Variants in CNTNAP2 observed in about 807,000 individuals in gnomAD.
The protein encoded by CNTNAP2 is contactin associated protein 2.
Under a neutral mutation model 155.2 loss-of-function variants are expected in CNTNAP2, and 98 were observed. The ratio of observed to expected loss-of-function variants is 0.63; its 90% CI spans 0.54 to 0.75. The LOEUF (loss-of-function observed/expected upper bound fraction) is 0.75. Among genes scored for constraint, CNTNAP2 ranks in the 30% least tolerant of loss-of-function variants. CNTNAP2 has a pLI of 0.00. For synonymous variants in CNTNAP2, 651 were observed against 631.2 expected, an observed-to-expected ratio of 1.03 and a Z score of -0.47; for missense variants, 1,727 against 1,688.1, an observed-to-expected ratio of 1.02 and a Z score of -0.40.
At chr7:146,150,726 T>A (rs761309864) in intron 1 of CNTNAP2, among the ~76,000 whole-genome samples, 7 of 152,036 alleles carry the variant, frequency 4.6e-5, no homozygotes, top group Non-Finnish European at 8.8e-5. Context: ...TAGGTAGAAA[T>A]CTACTACATT....
chr7:147,235,456 G>A (rs1221520772), intron 8 of CNTNAP2, among the ~76,000 whole-genome samples: 2 of 151,836 alleles, frequency 1.3e-5, no homozygotes, highest in Non-Finnish European at 2.9e-5. Flanking sequence ...CAGGTGTTGT[G>A]TACCAGACTT....
intron 13 of CNTNAP2, among the ~76,000 whole-genome samples, chr7:147,771,788 T>C (rs1330862531): frequency 6.6e-6 from 1 of 152,172 alleles, no homozygotes; most frequent in Non-Finnish European, 1.5e-5. Flanking sequence ...TTGTAATCTT[T>C]ACTGTAGAAT....
At chr7:146,934,396 A>T (rs999805692) in intron 3 of CNTNAP2, among the ~76,000 whole-genome samples, 5 of 139,858 alleles carry the variant, frequency 3.6e-5, no homozygotes, top group African/African-American at 1.1e-4. Context: ...AACAATGAGA[A>T]CACATGGACA....
At chr7:147,519,409 T>C (rs1799191482) in intron 11 of CNTNAP2, among the ~76,000 whole-genome samples, 1 of 152,126 alleles carries the variant, frequency 6.6e-6, no homozygotes, top group Non-Finnish European at 1.5e-5. Context: ...TCTAAAATAA[T>C]CTCCTACCTC....
chr7:146,836,986 T>C (rs1803630517), intron 2 of CNTNAP2, among the ~76,000 whole-genome samples: 1 of 152,196 alleles, frequency 6.6e-6, no homozygotes, highest in African/African-American at 2.4e-5. Flanking sequence ...TGTAACCCTC[T>C]GAATACCTTT....
chr7:147,463,160 G>A lies in CNTNAP2; in HGVS notation c.1671-22775G>A, dbSNP rs149693997. Among the ~76,000 whole-genome samples, 259 of 152,306 alleles carry A rather than the reference G, an allele frequency of 1.7e-3. 2 individuals are homozygous for A. The highest frequency in any genetic ancestry group is 6.0e-3 in the African/African-American group (249 of 41,564). On this transcript the variant is annotated intron_variant, in intron 10 of 23. Transcript: ENST00000361727. ...TTTTAACAGAAAAAGAAACAAGTGT[G>A]AAGAAGGCTAGAAGGCAAGGATTAA...
intron 3 of CNTNAP2, among the ~76,000 whole-genome samples, chr7:146,852,347 T>A (rs181997969): frequency 1.3e-5 from 2 of 152,280 alleles, no homozygotes; most frequent in Admixed American, 6.5e-5. Context: ...TATGCTTGAA[T>A]CAAACGACTA....
At chr7:146,592,239 A>G (rs930088933) in intron 1 of CNTNAP2, among the ~76,000 whole-genome samples, 7 of 152,218 alleles carry the variant, frequency 4.6e-5, no homozygotes, top group Non-Finnish European at 1.0e-4. Context: ...TCTCTGTGGC[A>G]TATGGTCTTC....
chr7:148,037,460 C>T (rs74326678), intron 15 of CNTNAP2, among the ~76,000 whole-genome samples: 2 of 152,204 alleles, frequency 1.3e-5, no homozygotes, highest in Admixed American at 6.5e-5. Context: ...TAATGGGTTA[C>T]ATCTAGGTCA....
chr7:147,779,268 T>C (rs1797631381), intron 13 of CNTNAP2, among the ~76,000 whole-genome samples: 1 of 152,232 alleles, frequency 6.6e-6, no homozygotes, highest in Non-Finnish European at 1.5e-5. Context: ...TTAGTATTTA[T>C]GGGCATCAAC....
At chr7:146,505,242 G>A (rs6950576) in intron 1 of CNTNAP2, among the ~76,000 whole-genome samples, 3,349 of 152,246 alleles carry the variant, frequency 0.022, 128 homozygotes, top group African/African-American at 0.077. Flanking sequence ...CAGATCCAAC[G>A]GTTGGACACA....
intron 2 of CNTNAP2, among the ~76,000 whole-genome samples, chr7:146,792,202 C>T (rs528433807): frequency 4.0e-4 from 60 of 151,882 alleles, no homozygotes; most frequent in Non-Finnish European, 1.2e-4. Flanking sequence ...TGGGAGAGAA[C>T]ATTGCAATCT....
intron 14 of CNTNAP2, among the ~76,000 whole-genome samples, chr7:147,923,088 G>A (rs1174075469): frequency 6.6e-6 from 1 of 151,916 alleles, no homozygotes; most frequent in Non-Finnish European, 1.5e-5. Flanking sequence ...TGAGCAAAAA[G>A]GAAGGAAGGA....
chr7:147,667,966 A>T (rs116631770), intron 13 of CNTNAP2, among the ~76,000 whole-genome samples: 5 of 152,162 alleles, frequency 3.3e-5, no homozygotes, highest in African/African-American at 1.2e-4. Context: ...AGGTTCATCA[A>T]TGACTTCAAA....
intron 15 of CNTNAP2, among the ~76,000 whole-genome samples, chr7:147,988,087 G>A (rs769532147): frequency 6.6e-6 from 1 of 152,162 alleles, no homozygotes; most frequent in Non-Finnish European, 1.5e-5. Context: ...AACTCAAAGC[G>A]GAGGGTGGTG....
intron 1 of CNTNAP2, among the ~76,000 whole-genome samples, chr7:146,720,174 G>T (rs1801260754): frequency 1.3e-5 from 2 of 151,498 alleles, no homozygotes; most frequent in Non-Finnish European, 2.9e-5. Context: ...GTGTTTAGTT[G>T]TCCACAAAGG....
intron 1 of CNTNAP2, among the ~76,000 whole-genome samples, chr7:146,734,114 G>C (rs1801571648): frequency 6.6e-6 from 1 of 152,140 alleles, no homozygotes; most frequent in South Asian, 2.1e-4. Context: ...CCAAAATACA[G>C]GATGTTTTTC....
rs1389396205 is a variant in CNTNAP2, at chr7:147,464,896, A to G, written c.1671-21039A>G. 2.0e-5 allele frequency among the ~76,000 whole-genome samples: 3 copies of G among 152,242 alleles called. No individual in the cohort carries two copies. The East Asian group carries it at 5.8e-4, about 29-fold the overall frequency. ...ACTGTGTAAACAATCTTCATGGCCAAGAGGCTCAATTATAATGATTCTCTC... is the reference window on the plus strand; with the variant it reads ...ACTGTGTAAACAATCTTCATGGCCAGGAGGCTCAATTATAATGATTCTCTC... On this transcript the variant is annotated intron_variant, in intron 10 of 23. Transcript: ENST00000361727.
At chr7:146,447,509 G>T (rs561762580) in intron 1 of CNTNAP2, among the ~76,000 whole-genome samples, 1 of 151,870 alleles carries the variant, frequency 6.6e-6, no homozygotes, top group African/African-American at 2.4e-5. Flanking sequence ...TTAGTTTTAT[G>T]ATGTAACATA....
Sources: gnomAD v4.1 joint callset for allele counts (sites outside exome capture counted in the v4.1 genomes callset) on GRCh38, gnomAD v4.1.1 for gene constraint, MANE v1.5 for transcripts, NCBI Gene and HGNC (gene_info 2026-07-23, HGNC 2026-07-21) for gene names.